Variants in PTPRU observed in about 807,000 individuals in gnomAD.
PTPRU encodes receptor-type tyrosine-protein phosphatase U.
In PTPRU, 69 loss-of-function variants were observed where a neutral mutation model predicts 166.3. The observed-to-expected ratio is 0.41, with a 90% CI of 0.34 to 0.51. The LOEUF is 0.51. Among genes scored for constraint, PTPRU ranks in the 20% least tolerant of loss-of-function variants. The pLI is 0.09. For missense variants in PTPRU, 1,657 were observed against 2,013.7 expected (o/e 0.82, Z 3.39); for synonymous variants, 793 against 814.0 (o/e 0.97, Z 0.44).
At chr1:29,254,216 C>T (rs1684675502) in intron 1 of PTPRU, among the ~76,000 whole-genome samples, 1 of 152,164 alleles carries the variant, frequency 6.6e-6, no homozygotes, top group Non-Finnish European at 1.5e-5. Flanking sequence ...GCCTCAGGCT[C>T]CTGATGGGGC....
intron 22 of PTPRU, among the ~76,000 whole-genome samples, chr1:29,313,930 T>G (rs1289943946): frequency 6.6e-6 from 1 of 152,224 alleles, no homozygotes; most frequent in African/African-American, 2.4e-5. Flanking sequence ...TGAACCCGTT[T>G]CTGGCCTGAA....
At chr1:29,241,120 G>A (rs1435571168) in intron 1 of PTPRU, among the ~76,000 whole-genome samples, 1 of 152,158 alleles carries the variant, frequency 6.6e-6, no homozygotes, top group African/African-American at 2.4e-5. Context: ...GGTGTGGCAG[G>A]ATCTGAGTTT....
chr1:29,278,200 C>T (rs1310922832), intron 8 of PTPRU, among the ~76,000 whole-genome samples: 1 of 152,152 alleles, frequency 6.6e-6, no homozygotes, highest in African/African-American at 2.4e-5. Context: ...ATTCCAGTTA[C>T]CACTAAGCTC....
chr1:29,310,819 C>T lies in PTPRU; in HGVS notation c.2857+39C>T, dbSNP rs190472097. On this transcript the variant is annotated intron_variant, in intron 19 of 29. Coordinates refer to ENST00000373779, the MANE Select transcript of PTPRU (RefSeq NM_133178.4). ...CTGCCCACATGCGCCTTCCCATGTG[C>T]CTCCCAGCGTGCTGGAATGCCCTCA... The T allele has an allele frequency of 4.4e-6, 7 of 1,600,028 alleles. No homozygotes were observed. In the African/African-American group the frequency reaches 9.4e-5, roughly 21 times the overall value.
At chr1:29,282,992 G>T in intron 12 of PTPRU, 43 bp downstream of exon 12, 1 of 1,523,538 alleles carries the variant, frequency 6.6e-7, no homozygotes, top group South Asian at 1.2e-5. Context: ...GTTGGGTGTG[G>T]GGGGATGGCA....
chr1:29,295,337 G>A (rs981409660), intron 15 of PTPRU, among the ~76,000 whole-genome samples: 10 of 151,992 alleles, frequency 6.6e-5, no homozygotes, highest in Non-Finnish European at 8.8e-5. Flanking sequence ...GAGCCATCAC[G>A]CTCGGCTAAT....
rs541194226 is a variant in PTPRU at position 29,306,586 on chromosome 1, G to A, written c.2820+1158G>A. On this transcript the variant is annotated intron_variant, in intron 18 of 29. Coordinates refer to ENST00000373779, the MANE Select transcript of PTPRU (RefSeq NM_133178.4). ...GTGGCAGAGCCAGGGCTGGTGTGGC[G>A]GGCTTTGTGGAGGAAGCAGGGCTTG... Among the ~76,000 whole-genome samples the A allele has an allele frequency of 6.6e-5, 10 of 152,322 alleles. No individual in the cohort carries two copies. The South Asian group carries it at 1.2e-3, about 19-fold the overall frequency.
chr1:29,269,915 T>C (rs1172202045), intron 7 of PTPRU, among the ~76,000 whole-genome samples: 1 of 152,000 alleles, frequency 6.6e-6, no homozygotes, highest in Non-Finnish European at 1.5e-5. Flanking sequence ...GTTATGTTGT[T>C]TATAATTATG....
chr1:29,262,799 C>T (rs1233121252), intron 7 of PTPRU, among the ~76,000 whole-genome samples: 1 of 152,040 alleles, frequency 6.6e-6, no homozygotes, highest in African/African-American at 2.4e-5. Context: ...ACATTTTCAT[C>T]ACCTCAGAAG....
In PTPRU at chr1:29,282,209, C is replaced by CTGAA. The variant is rs141805058; in HGVS notation, c.1869-441_1869-438dup. On this transcript the variant is annotated intron_variant, in intron 11 of 29. Transcript: ENST00000373779. ...ATAGTCTGAGCTCAGTCATCTCTTT[C>CTGAA]TGAATGAATGAATGAATGAATGAAT... 2.8e-3 allele frequency among the ~76,000 whole-genome samples: 422 copies of CTGAA among 152,250 alleles called. 3 individuals are homozygous for CTGAA. The highest frequency in any genetic ancestry group is 0.022 in the East Asian group (112 of 5,170).
At chr1:29,319,710 C>T (rs755386804) in intron 25 of PTPRU, among the ~76,000 whole-genome samples, 1 of 152,140 alleles carries the variant, frequency 6.6e-6, no homozygotes, top group Non-Finnish European at 1.5e-5. Context: ...AAGGGCAGAT[C>T]AATATTTGGT....
chr1:29,260,238 C>A lies in PTPRU; in HGVS notation c.850+194C>A. The A allele has an allele frequency of 1.5e-6, 1 of 648,168 alleles. No homozygotes were observed. Among genetic ancestry groups the A allele is most frequent in the Non-Finnish European group, 2.3e-6 (1 of 430,600 alleles). 40.2% of individuals were successfully genotyped at this position (648,168 alleles called of 1,614,324 possible). On this transcript the variant is annotated intron_variant, in intron 6 of 29. Coordinates refer to ENST00000373779, the MANE Select transcript of PTPRU (RefSeq NM_133178.4). This position sits in a 1 kb window ranked among gnomAD's most constrained non-coding sequence, Gnocchi z 8.3. ...ATGAGATCTGATCTAGGGGTCGGGG[C>A]TGGCTTCGAGGGGGACGGACAGGGT...
At chr1:29,241,656 G>A (rs541478821) in intron 1 of PTPRU, among the ~76,000 whole-genome samples, 138 of 146,706 alleles carry the variant, frequency 9.4e-4, no homozygotes, top group African/African-American at 3.3e-3. Flanking sequence ...GTGCAGTGGC[G>A]TGATCTTGGC....
At chr1:29,305,720 T>C in intron 18 of PTPRU, 1 of 568,846 alleles carries the variant, frequency 1.8e-6, no homozygotes, top group South Asian at 1.5e-5. Context: ...GCGGGAGGCA[T>C]GGAGAATGGG....
chr1:29,281,052 C>A (rs1686060542), intron 11 of PTPRU, among the ~76,000 whole-genome samples: 1 of 152,128 alleles, frequency 6.6e-6, no homozygotes, highest in Non-Finnish European at 1.5e-5. Flanking sequence ...AGCCTCCCTG[C>A]CCTTCTGGTC....
Position 29,310,846 on chromosome 1 carries a change from C to T in PTPRU, c.2857+66C>T. 3.2e-6 allele frequency: 5 copies of T among 1,547,506 alleles called. No homozygotes were observed. In the South Asian group the frequency reaches 4.5e-5, roughly 14 times the overall value. ...TCCCAGCGTGCTGGAATGCCCTCAGCTTGCCTTTCTGCCTCCCCTGCTGAT... is the reference window on the plus strand; with the variant it reads ...TCCCAGCGTGCTGGAATGCCCTCAGTTTGCCTTTCTGCCTCCCCTGCTGAT... On this transcript the variant is annotated intron_variant, in intron 19 of 29. Coordinates refer to ENST00000373779, the MANE Select transcript of PTPRU (RefSeq NM_133178.4).
chr1:29,284,669 C>T, intron 13 of PTPRU, 62 bp from the exon 14 acceptor site: 1 of 1,611,778 alleles, frequency 6.2e-7, no homozygotes. Flanking sequence ...CAGCCACCTA[C>T]AGGAGGGGCT....
intron 7 of PTPRU, among the ~76,000 whole-genome samples, chr1:29,267,430 C>T (rs1685353525): frequency 6.6e-6 from 1 of 151,978 alleles, no homozygotes; most frequent in Admixed American, 6.6e-5. Flanking sequence ...GGGAGTGGGG[C>T]CTGGAGGGTT....
chr1:29,258,431 G>C, intron 2 of PTPRU, 74 bp from the exon 3 acceptor site: 1 of 1,519,544 alleles, frequency 6.6e-7, no homozygotes, highest in Non-Finnish European at 8.9e-7. Context: ...GTCCTCCTCA[G>C]TGCTCCCCTT....
Sources: allele counts gnomAD v4.1 joint callset (sites outside exome capture counted in the v4.1 genomes callset), GRCh38; gene constraint gnomAD v4.1.1; non-coding constraint Gnocchi (gnomAD v3.1); transcripts MANE v1.5; gene names NCBI Gene and HGNC (gene_info 2026-07-23, HGNC 2026-07-21).